Variants in BASP1 observed in about 807,000 individuals in gnomAD.
BASP1 encodes brain abundant membrane attached signal protein 1.
In BASP1, 1 loss-of-function variant was observed where a neutral mutation model predicts 2.2. The observed-to-expected ratio is 0.46, with a 90% CI of 0.16 to 2.17. The LOEUF (loss-of-function observed/expected upper bound fraction) is 2.17. Ranked by LOEUF, BASP1 falls within the 30% of genes most tolerant of loss-of-function variation. The pLI is 0.27. For synonymous variants in BASP1, 187 were observed against 154.2 expected, an observed-to-expected ratio of 1.21 and a Z score of -1.58; for missense variants, 352 against 327.2, an observed-to-expected ratio of 1.08 and a Z score of -0.58.
chr5:17,223,663 C>T (rs1404492529), intron 1 of BASP1, among the ~76,000 whole-genome samples: 1 of 152,138 alleles, frequency 6.6e-6, no homozygotes, highest in Non-Finnish European at 1.5e-5. Context: ...AAATGAAAGT[C>T]CTTGGAACTT....
intron 1 of BASP1, among the ~76,000 whole-genome samples, chr5:17,273,858 T>C (rs1007352913): frequency 6.6e-6 from 1 of 152,062 alleles, no homozygotes; most frequent in African/African-American, 2.4e-5. Flanking sequence ...CTAACGAGGA[T>C]AGTATAATGT....
At chr5:17,239,694 T>C (rs1438128757) in intron 1 of BASP1, among the ~76,000 whole-genome samples, 2 of 152,150 alleles carry the variant, frequency 1.3e-5, no homozygotes, top group Non-Finnish European at 2.9e-5. Context: ...AGTTAGGAAT[T>C]TGGATATATG....
At chr5:17,229,289 T>C (rs2126491543) in intron 1 of BASP1, among the ~76,000 whole-genome samples, 1 of 152,288 alleles carries the variant, frequency 6.6e-6, no homozygotes, top group Non-Finnish European at 1.5e-5. Flanking sequence ...CTGTGAGCAG[T>C]GGCATGTCTT....
chr5:17,226,925 ATTTTTCTTTTTTTTT>A lies in BASP1; in HGVS notation c.-10+9129_-10+9143del, dbSNP rs1298454294. 2.8e-3 allele frequency among the ~76,000 whole-genome samples: 296 copies of A among 106,118 alleles called. 1 individual carries two copies. The highest frequency in any genetic ancestry group is 4.4e-3 in the Admixed American group (45 of 10,334). The allele number at this position is 106,118 out of a possible 152,430, so 69.6% of individuals were successfully genotyped here. A position where few individuals can be genotyped will look rare whatever the true frequency, so the allele number is the denominator to read the frequency against. On this transcript the variant is annotated intron_variant, in intron 1 of 1. Coordinates refer to ENST00000322611, the MANE Select transcript of BASP1 (RefSeq NM_006317.5). ...TCCTGGAATCTTCTCTGAATAACTC[ATTTTTCTTTTTTTTT>A]TTTTTCTTTTTTTCGTTTTGCTCTG...
chr5:17,243,356 G>C (rs1054901319), intron 1 of BASP1, among the ~76,000 whole-genome samples: 1 of 152,032 alleles, frequency 6.6e-6, no homozygotes, highest in Admixed American at 6.6e-5. Flanking sequence ...GTTTCGCCAC[G>C]TTGGCCAGGC....
intron 1 of BASP1, among the ~76,000 whole-genome samples, chr5:17,266,766 C>T (rs1187050962): frequency 2.0e-5 from 3 of 148,308 alleles, no homozygotes; most frequent in African/African-American, 7.5e-5. Flanking sequence ...GAGCCGAGAT[C>T]GCGCCACTGC....
intron 1 of BASP1, among the ~76,000 whole-genome samples, chr5:17,229,771 T>G: frequency 6.9e-6 from 1 of 144,644 alleles, no homozygotes; most frequent in African/African-American, 2.6e-5. Flanking sequence ...GATCAACATG[T>G]TGGTAGGATT....
At chr5:17,220,879 A>G (rs758989311) in intron 1 of BASP1, among the ~76,000 whole-genome samples, 10 of 152,222 alleles carry the variant, frequency 6.6e-5, no homozygotes, top group Non-Finnish European at 1.2e-4. Context: ...CAAGCGGAGT[A>G]TGACATCAGA....
intron 1 of BASP1, among the ~76,000 whole-genome samples, chr5:17,238,043 CCTT>C (rs1314506147): frequency 1.3e-5 from 2 of 151,864 alleles, no homozygotes; most frequent in African/African-American, 4.8e-5. Context: ...TTCTCAGTGG[CCTT>C]CTCTCTTTTG....
intron 1 of BASP1, among the ~76,000 whole-genome samples, chr5:17,272,325 C>T (rs1740544737): frequency 6.6e-6 from 1 of 152,118 alleles, no homozygotes; most frequent in Non-Finnish European, 1.5e-5. Flanking sequence ...GCCGGCTTCT[C>T]AGTGGAGTTC....
chr5:17,248,382 G>A (rs1172010473), intron 1 of BASP1, among the ~76,000 whole-genome samples: 5 of 152,106 alleles, frequency 3.3e-5, no homozygotes, highest in Non-Finnish European at 7.4e-5. Context: ...GCTGTGTGCT[G>A]GATAAGACTT....
At chr5:17,244,333 A>G (rs560122394) in intron 1 of BASP1, among the ~76,000 whole-genome samples, 1 of 152,322 alleles carries the variant, frequency 6.6e-6, no homozygotes, top group East Asian at 1.9e-4. Flanking sequence ...TTAGGTAACA[A>G]TGATATCAAA....
chr5:17,258,534 A>G (rs1198409676), intron 1 of BASP1, among the ~76,000 whole-genome samples: 1 of 152,158 alleles, frequency 6.6e-6, no homozygotes, highest in African/African-American at 2.4e-5. Flanking sequence ...AGCTTCTCAG[A>G]TGATTCCTGT....
intron 1 of BASP1, among the ~76,000 whole-genome samples, chr5:17,258,590 T>C (rs1305209537): frequency 6.6e-6 from 1 of 152,148 alleles, no homozygotes; most frequent in Admixed American, 6.5e-5. Flanking sequence ...TACAGAAACA[T>C]TGGCAAATAA....
chr5:17,258,106 G>C (rs1740251283), intron 1 of BASP1, among the ~76,000 whole-genome samples: 1 of 152,158 alleles, frequency 6.6e-6, no homozygotes, highest in East Asian at 1.9e-4. Flanking sequence ...GGGAGAGTAG[G>C]TCTGGGTCAT....
intron 1 of BASP1, among the ~76,000 whole-genome samples, chr5:17,234,075 G>A (rs1773545095): frequency 6.6e-6 from 1 of 151,390 alleles, no homozygotes; most frequent in South Asian, 2.1e-4. Flanking sequence ...AGGTTGTAGT[G>A]AGTTGAGATC....
intron 1 of BASP1, among the ~76,000 whole-genome samples, chr5:17,235,570 A>G (rs982040020): frequency 1.3e-5 from 2 of 152,046 alleles, no homozygotes; most frequent in African/African-American, 4.8e-5. Context: ...CCTGCTCTTT[A>G]TGTTTTTTCA....
intron 1 of BASP1, among the ~76,000 whole-genome samples, chr5:17,218,718 C>G (rs968321012): frequency 2.6e-5 from 4 of 152,114 alleles, no homozygotes; most frequent in African/African-American, 9.7e-5. Flanking sequence ...AAGCTGAAAC[C>G]CGGCGCCCGG....
chr5:17,219,765 C>A (rs1739360721), intron 1 of BASP1, among the ~76,000 whole-genome samples: 2 of 152,158 alleles, frequency 1.3e-5, no homozygotes, highest in South Asian at 2.1e-4. Context: ...GGATCCTAAC[C>A]CTTTCTGTTT....
Sources: allele counts gnomAD v4.1 joint callset (sites outside exome capture counted in the v4.1 genomes callset), GRCh38; gene constraint gnomAD v4.1.1; transcripts MANE v1.5; gene names NCBI Gene and HGNC (gene_info 2026-07-23, HGNC 2026-07-21).